The following DLGAP2 variants were observed in gnomAD, a reference collection of about 807,000 sequenced individuals.
DLGAP2 encodes the protein disks large-associated protein 2.
DLGAP2 carries 26 observed loss-of-function variants against 100.3 expected under a neutral mutation model. That is an observed-to-expected ratio of 0.26 (90% confidence interval 0.19 to 0.36). The LOEUF (loss-of-function observed/expected upper bound fraction) is 0.36. DLGAP2 is among the 10% of genes least tolerant of loss of function. The pLI, the probability that DLGAP2 is intolerant of heterozygous loss-of-function variation, is 1.00. For missense variants in DLGAP2, 1,858 were observed against 1,453.2 expected, an observed-to-expected ratio of 1.28 and a Z score of -4.53; for synonymous variants, 886 against 630.1, an observed-to-expected ratio of 1.41 and a Z score of -6.08.
chr8:1,552,847 G>T (rs1300484562), intron 5 of DLGAP2, among the ~76,000 whole-genome samples: 1 of 152,108 alleles, frequency 6.6e-6, no homozygotes. Context: ...TTTTTAAGTA[G>T]GTCAAAACGG....
At chr8:1,514,808 C>A (rs1800301754) in intron 4 of DLGAP2, among the ~76,000 whole-genome samples, 1 of 152,218 alleles carries the variant, frequency 6.6e-6, no homozygotes, top group Non-Finnish European at 1.5e-5. Context: ...GAAAGGAAGG[C>A]CGGCCTGAGT....
At chr8:1,113,334 A>G (rs570843999) in intron 2 of DLGAP2, among the ~76,000 whole-genome samples, 4 of 152,332 alleles carry the variant, frequency 2.6e-5, no homozygotes, top group Admixed American at 1.3e-4. Context: ...TCTATCCATG[A>G]GCCTGGAATA....
At chr8:1,203,010 C>T (rs1271643997) in intron 2 of DLGAP2, among the ~76,000 whole-genome samples, 1 of 152,168 alleles carries the variant, frequency 6.6e-6, no homozygotes, top group African/African-American at 2.4e-5. Flanking sequence ...TCCTCGCCAC[C>T]ACCCCATCCA....
chr8:878,931 CTG>C (rs1330450392), intron 1 of DLGAP2, among the ~76,000 whole-genome samples: 1 of 152,188 alleles, frequency 6.6e-6, no homozygotes, highest in African/African-American at 2.4e-5. Flanking sequence ...GCCTCAGATA[CTG>C]TGTTATAGCA....
chr8:953,258 A>G (rs1017644160), intron 2 of DLGAP2, among the ~76,000 whole-genome samples: 2 of 151,762 alleles, frequency 1.3e-5, no homozygotes, highest in Admixed American at 6.6e-5. Context: ...GCAGTGGTGC[A>G]TTCTTGGCTC....
chr8:931,680 C>T (rs897702432), intron 2 of DLGAP2, among the ~76,000 whole-genome samples: 11 of 152,214 alleles, frequency 7.2e-5, no homozygotes, highest in African/African-American at 1.7e-4. Flanking sequence ...CCCTTCCCGT[C>T]GTCCTGGTGG....
At chr8:1,336,068 G>A (rs1287521947) in intron 3 of DLGAP2, among the ~76,000 whole-genome samples, 1 of 152,268 alleles carries the variant, frequency 6.6e-6, no homozygotes, top group African/African-American at 2.4e-5. Context: ...CTCATGTCAA[G>A]CCTGGTCCTC....
At chr8:739,956 C>T (rs1261766734) in intron 1 of DLGAP2, 1 of 152,176 alleles carries the variant, frequency 6.6e-6, no homozygotes, top group Non-Finnish European at 1.5e-5. Flanking sequence ...ATCTTCACCG[C>T]GGCAGCTCGG....
rs59220880 is a variant in DLGAP2, at chr8:1,683,954, GTATATATATA to G, written c.2704+5350_2704+5359del. 4.8e-3 allele frequency among the ~76,000 whole-genome samples: 355 copies of G among 74,716 alleles called. 12 individuals carry two copies. Among genetic ancestry groups the G allele is most frequent in the East Asian group, 0.013 (28 of 2,232 alleles). The allele number at this position is 74,716 out of a possible 152,430, so 49.0% of individuals were successfully genotyped here. On this transcript the variant is annotated intron_variant, in intron 12 of 14. Transcript: ENST00000637795. ...TATATATGTGTATATATATATGTGT[GTATATATATA>G]TATATATATATATATATATATATAC... is the stretch of plus-strand genomic sequence containing the variant.
intron 3 of DLGAP2, among the ~76,000 whole-genome samples, chr8:1,331,510 G>T (rs4242540): frequency 0.31 from 46,833 of 152,030 alleles, 7,691 homozygotes; most frequent in African/African-American, 0.41. Flanking sequence ...ATTTTTTAGG[G>T]ACACGGATCT....
At chr8:1,636,199 G>A (rs980708489) in intron 8 of DLGAP2, among the ~76,000 whole-genome samples, 6 of 152,132 alleles carry the variant, frequency 3.9e-5, no homozygotes, top group South Asian at 2.1e-4. Context: ...TCTAGGGAGG[G>A]AATATTATTG....
At chr8:1,350,128 G>A (rs1039089478) in intron 3 of DLGAP2, among the ~76,000 whole-genome samples, 1 of 152,136 alleles carries the variant, frequency 6.6e-6, no homozygotes, top group Non-Finnish European at 1.5e-5. Flanking sequence ...TTATTAAACT[G>A]CAGGAAGAAA....
intron 2 of DLGAP2, among the ~76,000 whole-genome samples, chr8:1,173,897 C>T (rs1431135251): frequency 3.9e-5 from 6 of 152,200 alleles, no homozygotes; most frequent in African/African-American, 1.2e-4. Context: ...CTGACCTGCG[C>T]CCACCTCTGG....
At chr8:1,620,935 C>G (rs954980989) in intron 6 of DLGAP2, among the ~76,000 whole-genome samples, 1 of 152,218 alleles carries the variant, frequency 6.6e-6, no homozygotes, top group Non-Finnish European at 1.5e-5. Flanking sequence ...GAATGCCTTT[C>G]CCCCTTTACC....
intron 1 of DLGAP2, among the ~76,000 whole-genome samples, chr8:809,946 G>A (rs899336768): frequency 1.1e-4 from 16 of 152,252 alleles, no homozygotes; most frequent in African/African-American, 3.9e-4. Flanking sequence ...GGTTGGCGAT[G>A]TCTTGGAGAA....
chr8:919,996 C>T (rs1349052900), intron 2 of DLGAP2, among the ~76,000 whole-genome samples: 2 of 152,202 alleles, frequency 1.3e-5, no homozygotes, highest in African/African-American at 2.4e-5. Flanking sequence ...TGGGAGGACT[C>T]CTGGAGCTCA....
At chr8:1,238,543 ACATGGTG>A (rs1798716152) in intron 2 of DLGAP2, among the ~76,000 whole-genome samples, 1 of 81,116 alleles carries the variant, frequency 1.2e-5, no homozygotes, top group African/African-American at 4.9e-5. Flanking sequence ...TGGTTCTCTC[ACATGGTG>A]CCGTGTCTAG....
intron 2 of DLGAP2, among the ~76,000 whole-genome samples, chr8:1,098,161 C>T (rs1006695886): frequency 7.2e-5 from 11 of 152,268 alleles, no homozygotes; most frequent in East Asian, 3.8e-4. Context: ...CACAGCCGGG[C>T]ATCCCGGCCT....
intron 2 of DLGAP2, among the ~76,000 whole-genome samples, chr8:1,226,441 GGGA>G (rs1798417463): frequency 6.6e-6 from 1 of 152,128 alleles, no homozygotes; most frequent in South Asian, 2.1e-4. Context: ...GGACACAGGA[GGGA>G]GGAGAACAAC....
Sources: allele counts gnomAD v4.1 joint callset (sites outside exome capture counted in the v4.1 genomes callset), GRCh38; gene constraint gnomAD v4.1.1; transcripts MANE v1.5; gene names NCBI Gene and HGNC (gene_info 2026-07-23, HGNC 2026-07-21).